The following GNA12 variants were observed in gnomAD, a reference collection of about 807,000 sequenced individuals.
GNA12 encodes guanine nucleotide-binding protein subunit alpha-12.
GNA12 carries 9 observed loss-of-function variants against 26.0 expected under a neutral mutation model. That is an observed-to-expected ratio of 0.35 (90% confidence interval 0.21 to 0.60). The LOEUF (loss-of-function observed/expected upper bound fraction) is 0.60, where lower values mean the gene tolerates loss of function less well. Ranked by LOEUF, GNA12 falls within the 20% of genes least tolerant of loss-of-function variation. The pLI is 0.78. For synonymous variants in GNA12, 264 were observed against 219.6 expected, an observed-to-expected ratio of 1.20 and a Z score of -1.79; for missense variants, 405 against 525.8, an observed-to-expected ratio of 0.77 and a Z score of 2.25.
chr7:2,787,058 G>C (rs532295542), intron 2 of GNA12, among the ~76,000 whole-genome samples: 3 of 152,290 alleles, frequency 2.0e-5, no homozygotes, highest in Admixed American at 1.3e-4. Context: ...TACTCACAAA[G>C]ACAAGCGGTG....
chr7:2,749,263 A>T (rs1463296888), intron 2 of GNA12, among the ~76,000 whole-genome samples: 4 of 152,218 alleles, frequency 2.6e-5, no homozygotes, highest in African/African-American at 9.7e-5. Flanking sequence ...AACCAACCCA[A>T]ATGTCCAACA....
intron 1 of GNA12, among the ~76,000 whole-genome samples, chr7:2,817,766 G>T (rs1207486196): frequency 6.6e-6 from 1 of 152,180 alleles, no homozygotes; most frequent in African/African-American, 2.4e-5. Context: ...TATTAGGACT[G>T]GGGAGGAGAA....
At chr7:2,828,834 T>C (rs1793539617) in intron 1 of GNA12, among the ~76,000 whole-genome samples, 1 of 152,078 alleles carries the variant, frequency 6.6e-6, no homozygotes, top group African/African-American at 2.4e-5. Flanking sequence ...GGTGGGTGGG[T>C]TGCTTGAGCT....
intron 2 of GNA12, among the ~76,000 whole-genome samples, chr7:2,740,483 C>T (rs2115324826): frequency 1.3e-5 from 2 of 152,278 alleles, no homozygotes; most frequent in East Asian, 3.9e-4. Flanking sequence ...ATGGTGCTGC[C>T]ACCCAGATCC....
intron 1 of GNA12, among the ~76,000 whole-genome samples, chr7:2,813,647 G>C (rs189489778): frequency 1.3e-5 from 2 of 152,156 alleles, no homozygotes; most frequent in African/African-American, 2.4e-5. Flanking sequence ...AATGGAAATG[G>C]AGGCAATCGC....
intron 1 of GNA12, among the ~76,000 whole-genome samples, chr7:2,805,710 T>A (rs529380945): frequency 5.3e-5 from 8 of 152,332 alleles, no homozygotes; most frequent in African/African-American, 1.9e-4. Context: ...TTAAAAATAG[T>A]AATTAAAATC....
At chr7:2,766,053 T>C (rs918606941) in intron 2 of GNA12, among the ~76,000 whole-genome samples, 7 of 152,158 alleles carry the variant, frequency 4.6e-5, no homozygotes, top group African/African-American at 1.7e-4. Context: ...AACGTTGTTG[T>C]GAAACCGATC....
At chr7:2,744,576 G>A (rs933537813) in intron 2 of GNA12, among the ~76,000 whole-genome samples, 1 of 152,146 alleles carries the variant, frequency 6.6e-6, no homozygotes, top group Non-Finnish European at 1.5e-5. Context: ...GGAAAAAACA[G>A]AGCAGAAAAA....
At chr7:2,808,471 T>G (rs1362288075) in intron 1 of GNA12, among the ~76,000 whole-genome samples, 1 of 152,178 alleles carries the variant, frequency 6.6e-6, no homozygotes, top group Non-Finnish European at 1.5e-5. Flanking sequence ...CCAGGTGCTG[T>G]GGGTTACCCT....
chr7:2,763,191 A>AACAC (rs56384682), intron 2 of GNA12: 24,995 of 221,926 alleles, frequency 0.11, 1,938 homozygotes, highest in East Asian at 0.22. Context: ...AAGACACCCC[A>AACAC]ACACACACAC....
intron 1 of GNA12, among the ~76,000 whole-genome samples, chr7:2,829,966 C>G (rs1233858534): frequency 6.6e-6 from 1 of 152,186 alleles, no homozygotes; most frequent in African/African-American, 2.4e-5. Flanking sequence ...TTTTCTCCTG[C>G]TAGCTAGTAA....
chr7:2,768,691 A>AAAAAAAAAAAC (rs1562418608), intron 2 of GNA12, among the ~76,000 whole-genome samples: 1 of 142,586 alleles, frequency 7.0e-6, no homozygotes, highest in African/African-American at 2.6e-5. Flanking sequence ...ACAAAACAAA[A>AAAAAAAAAAAC]AAAAAAACAG....
At chr7:2,762,945 G>A in intron 2 of GNA12, 6 of 1,379,110 alleles carry the variant, frequency 4.4e-6, no homozygotes, top group South Asian at 1.8e-5. Context: ...CACTCCCGTG[G>A]GGCCCGTGCC....
intron 2 of GNA12, among the ~76,000 whole-genome samples, chr7:2,761,118 T>C (rs1009756884): frequency 2.6e-5 from 4 of 152,204 alleles, no homozygotes; most frequent in Admixed American, 6.5e-5. Context: ...CTCTCGGCTG[T>C]GGGGCTCCTC....
chr7:2,830,881 C>A (rs1793590329), intron 1 of GNA12, among the ~76,000 whole-genome samples: 1 of 151,966 alleles, frequency 6.6e-6, no homozygotes, highest in Non-Finnish European at 1.5e-5. Context: ...GTCGAAGCTG[C>A]AGTGAGCTGT....
chr7:2,830,176 T>G (rs1319915771), intron 1 of GNA12, among the ~76,000 whole-genome samples: 1 of 152,340 alleles, frequency 6.6e-6, no homozygotes, highest in South Asian at 2.1e-4. Context: ...GCAATGGCTC[T>G]TTCTTGCCTC....
rs1792045987 is a variant in GNA12, at chr7:2,775,155, A to C, written c.525+19773T>G. ...TAACAGGGGAGGAGGACGCTAGAGA[A>C]ACCAGTGTCTCAGCTCCCTAGCTCT... On this transcript the variant is annotated intron_variant, in intron 2 of 3. Coordinates refer to ENST00000275364, the MANE Select transcript of GNA12 (RefSeq NM_007353.3). 2.0e-5 allele frequency: 3 copies of C among 152,198 alleles called. No individual in the cohort carries two copies. The South Asian group carries it at 6.2e-4, about 32-fold the overall frequency. 9.4% of individuals were successfully genotyped at this position (152,198 alleles called of 1,614,324 possible). A position where few individuals can be genotyped will look rare whatever the true frequency, so the allele number is the denominator to read the frequency against.
chr7:2,755,968 C>G (rs767134355), intron 2 of GNA12, among the ~76,000 whole-genome samples: 7 of 152,162 alleles, frequency 4.6e-5, no homozygotes, highest in Admixed American at 3.9e-4. Context: ...AATTGACAAG[C>G]TCATTTTAAA....
At chr7:2,788,788 G>A (rs1177381440) in intron 2 of GNA12, among the ~76,000 whole-genome samples, 1 of 152,164 alleles carries the variant, frequency 6.6e-6, no homozygotes, top group Non-Finnish European at 1.5e-5. Flanking sequence ...GAGCCCAGGA[G>A]AGCTCAGCCG....
Sources: gnomAD v4.1 joint callset for allele counts (sites outside exome capture counted in the v4.1 genomes callset) on GRCh38, gnomAD v4.1.1 for gene constraint, MANE v1.5 for transcripts, NCBI Gene and HGNC (gene_info 2026-07-23, HGNC 2026-07-21) for gene names.